The following ASRGL1 variants were observed in gnomAD, a reference collection of about 807,000 sequenced individuals.
ASRGL1 encodes the protein isoaspartyl peptidase/L-asparaginase.
A neutral mutation model predicts 22.4 loss-of-function variants in ASRGL1; 16 were observed. The observed-to-expected ratio is 0.71, with a 90% confidence interval of 0.48 to 1.08. The LOEUF (loss-of-function observed/expected upper bound fraction) is 1.08. Ranked by LOEUF, ASRGL1 falls within the 50% of genes least tolerant of loss-of-function variation. ASRGL1 has a pLI of 0.00. For synonymous variants in ASRGL1, 165 were observed against 159.3 expected (o/e 1.04, Z -0.27); for missense variants, 412 against 410.1 (o/e 1.00, Z -0.04).
chr11:62,338,395 A>G, intron 2 of ASRGL1: 1 of 478,982 alleles, frequency 2.1e-6, no homozygotes, highest in Non-Finnish European at 3.6e-6. Flanking sequence ...GGCCTCTGAT[A>G]CAGCTCTTGG....
At chr11:62,395,477 A>C (rs1947421340), downstream of ASRGL1, among the ~76,000 whole-genome samples, 1 of 152,166 alleles carries the variant, frequency 6.6e-6, no homozygotes, top group South Asian at 2.1e-4. Context: ...TGGGTAAGGA[A>C]GGGCCTTGAT....
At chr11:62,360,289 A>G (rs1946402412) in intron 4 of ASRGL1, among the ~76,000 whole-genome samples, 1 of 150,566 alleles carries the variant, frequency 6.6e-6, no homozygotes, top group South Asian at 2.1e-4. Context: ...CGGCCTCCCA[A>G]AGTGCTAGGA....
intron 4 of ASRGL1, among the ~76,000 whole-genome samples, chr11:62,380,865 C>T (rs1947049037): frequency 6.6e-6 from 1 of 152,164 alleles, no homozygotes; most frequent in Non-Finnish European, 1.5e-5. Context: ...ATTGCCACGC[C>T]TCAATATCTC....
Position 62,386,657 on chromosome 11 carries a change from A to G in ASRGL1, c.492-2476A>G, listed in dbSNP as rs114649861. ...GAACACTTGAGAATGCGCTTATGGT[A>G]AACACCTGTCCATATTTCTGATGGA... On this transcript the variant is annotated intron_variant, in intron 4 of 6. Transcript: ENST00000415229. Among the ~76,000 whole-genome samples, 713 of 152,322 alleles carry G rather than the reference A, an allele frequency of 4.7e-3. 10 individuals carry two copies. Among genetic ancestry groups the G allele is most frequent in the African/African-American group, 0.016 (671 of 41,572 alleles).
chr11:62,391,613 C>T lies in ASRGL1; in HGVS notation c.702C>T (p.Thr234=), dbSNP rs769705743. The T allele has an allele frequency of 2.5e-6, 4 of 1,610,368 alleles. No individual in the cohort carries two copies. The highest frequency in any genetic ancestry group is 2.5e-6 in the Non-Finnish European group (3 of 1,178,238). The part of the protein sequence containing the change: ...SILKVNLARL[T]LFHIEQGKTV... ...TGAAGGTGAACCTGGCTAGACTCAC[C>T]CTGTTCCACATAGAACAAGGTACAC... is the stretch of plus-strand genomic sequence containing the variant. The change falls in exon 6 of 7, where the codon ACC becomes ACT. Residue 234 remains threonine (T), a synonymous_variant. Transcript: ENST00000415229.
At chr11:62,375,400 C>G (rs1195036521) in intron 4 of ASRGL1, among the ~76,000 whole-genome samples, 1 of 115,416 alleles carries the variant, frequency 8.7e-6, no homozygotes, top group Non-Finnish European at 1.7e-5. Context: ...GTTGAAGGTG[C>G]CTGGTTTAGT....
rs113435757 is a variant in ASRGL1 at position 62,359,692 on chromosome 11, CTG to C, written c.491+2553_491+2554del. On this transcript the variant is annotated intron_variant, in intron 4 of 6. Coordinates refer to ENST00000415229, the MANE Select transcript of ASRGL1 (RefSeq NM_001083926.2). ...TGCACAGCACAGGTCTAGACAGAACCTGTGTGAGAAAAACTGATAACAGAGAA... is the reference window on the plus strand; with the variant it reads ...TGCACAGCACAGGTCTAGACAGAACCTGTGAGAAAAACTGATAACAGAGAA... Among the ~76,000 whole-genome samples the C allele has an allele frequency of 5.1e-3, 778 of 152,132 alleles. 2 individuals carry two copies. Among genetic ancestry groups the C allele is most frequent in the African/African-American group, 0.015 (616 of 41,538 alleles).
At chr11:62,371,395 G>T in intron 4 of ASRGL1, 2 of 602,758 alleles carry the variant, frequency 3.3e-6, no homozygotes, top group South Asian at 2.1e-5. Flanking sequence ...GGTGGTCGCC[G>T]AACCCGAGCA....
intron 4 of ASRGL1, chr11:62,371,697 A>C (rs561483768): frequency 3.5e-5 from 21 of 597,188 alleles, no homozygotes; most frequent in Admixed American, 3.4e-4. Context: ...TCAGGCTTGT[A>C]ATCCCAGCAC....
chr11:62,389,111 T>G, intron 4 of ASRGL1, 22 bp from the exon 5 acceptor site: 1 of 1,588,116 alleles, frequency 6.3e-7, no homozygotes, highest in Non-Finnish European at 8.6e-7. Flanking sequence ...CCTGTCACTT[T>G]TTTTCTGTTT....
intron 4 of ASRGL1, chr11:62,373,164 C>G: frequency 7.8e-7 from 1 of 1,278,358 alleles, no homozygotes; most frequent in Non-Finnish European, 1.1e-6. Context: ...ATACAGCCCC[C>G]AAACCCTCTG....
At chr11:62,394,210 A>C (rs950775027), downstream of ASRGL1, among the ~76,000 whole-genome samples, 11 of 129,982 alleles carry the variant, frequency 8.5e-5, no homozygotes, top group African/African-American at 3.3e-4. Flanking sequence ...ATAATATATG[A>C]TATATAATAT....
chr11:62,391,876 G>T (rs1489814101), intron 6 of ASRGL1: 4 of 739,126 alleles, frequency 5.4e-6, no homozygotes, highest in African/African-American at 1.8e-5. Context: ...GAGCCTGGAT[G>T]TGGGAGGGAA....
intron 2 of ASRGL1, among the ~76,000 whole-genome samples, chr11:62,352,472 T>G (rs1014880298): frequency 1.3e-5 from 2 of 152,024 alleles, no homozygotes; most frequent in African/African-American, 4.8e-5. Flanking sequence ...TAATCCCAGC[T>G]ACTCAGGAAG....
At chr11:62,352,860 T>G (rs1946199730) in intron 2 of ASRGL1, among the ~76,000 whole-genome samples, 1 of 152,192 alleles carries the variant, frequency 6.6e-6, no homozygotes, top group African/African-American at 2.4e-5. Context: ...AATGTTTTTT[T>G]GTCTTTAGTT....
At chr11:62,351,606 T>A (rs1946167898) in intron 2 of ASRGL1, among the ~76,000 whole-genome samples, 1 of 149,780 alleles carries the variant, frequency 6.7e-6, no homozygotes, top group Admixed American at 6.7e-5. Context: ...GTAGAGATCG[T>A]GTCACTGCAC....
chr11:62,356,497 A>G, intron 3 of ASRGL1, 30 bp downstream of exon 3: 3 of 1,609,726 alleles, frequency 1.9e-6, no homozygotes, highest in Non-Finnish European at 2.6e-6. Flanking sequence ...CCTTTTCCTA[A>G]TGAATTGTTA....
At chr11:62,344,887 C>T (rs1945975091) in intron 2 of ASRGL1, among the ~76,000 whole-genome samples, 1 of 152,204 alleles carries the variant, frequency 6.6e-6, no homozygotes, top group African/African-American at 2.4e-5. Flanking sequence ...CTCCCAGCCT[C>T]TGCTAACCAT....
At chr11:62,371,301 CG>C (rs1946756564) in intron 4 of ASRGL1, 2 of 1,377,632 alleles carry the variant, frequency 1.5e-6, no homozygotes, top group Non-Finnish European at 1.9e-6. Context: ...GCGACGAGGA[CG>C]GCCTGGAGCT....
Sources: gnomAD v4.1 joint callset for allele counts (sites outside exome capture counted in the v4.1 genomes callset) on GRCh38, gnomAD v4.1.1 for gene constraint, MANE v1.5 for transcripts, NCBI Gene and HGNC (gene_info 2026-07-23, HGNC 2026-07-21) for gene names.